The following SLC1A3 variants were observed in gnomAD, a reference collection of about 807,000 sequenced individuals.
SLC1A3 encodes solute carrier family 1 member 3.
Under a neutral mutation model 48.1 loss-of-function variants are expected in SLC1A3, and 21 were observed. The ratio of observed to expected loss-of-function variants is 0.44; its 90% CI spans 0.31 to 0.63. The LOEUF (loss-of-function observed/expected upper bound fraction) is 0.63. SLC1A3 is among the 20% of genes least tolerant of loss of function. The pLI is 0.08. For missense variants in SLC1A3, 546 were observed against 689.0 expected, an observed-to-expected ratio of 0.79 and a Z score of 2.32; for synonymous variants, 239 against 251.4, an observed-to-expected ratio of 0.95 and a Z score of 0.47.
intron 3 of SLC1A3, among the ~76,000 whole-genome samples, chr5:36,665,987 G>C (rs1207665678): frequency 6.6e-6 from 1 of 152,100 alleles, no homozygotes; most frequent in Non-Finnish European, 1.5e-5. Context: ...TCTATAAAGG[G>C]GCCAGAAGAA....
intron 3 of SLC1A3, among the ~76,000 whole-genome samples, chr5:36,643,075 T>C (rs1458424097): frequency 6.6e-6 from 1 of 152,112 alleles, no homozygotes; most frequent in Non-Finnish European, 1.5e-5. Flanking sequence ...GATATTTGGG[T>C]TTTTCCTATT....
At chr5:36,676,757 G>T in intron 5 of SLC1A3, 135 bp from the exon 6 acceptor site, 1 of 685,206 alleles carries the variant, frequency 1.5e-6, no homozygotes, top group Non-Finnish European at 2.4e-6. Flanking sequence ...GAGAGAGAGA[G>T]ACTTTCTATA....
At chr5:36,629,415 A>ATTTTTC in intron 2 of SLC1A3, 35 bp from the exon 3 acceptor site, 2 of 1,587,312 alleles carry the variant, frequency 1.3e-6, no homozygotes, top group Non-Finnish European at 1.7e-6. Context: ...AAAAGACTCA[A>ATTTTTC]TTTTTCTTTT....
intron 3 of SLC1A3, among the ~76,000 whole-genome samples, chr5:36,640,647 G>C (rs1740578751): frequency 6.6e-6 from 1 of 152,094 alleles, no homozygotes; most frequent in Non-Finnish European, 1.5e-5. Context: ...AAGAGCTGTT[G>C]GCTAATCCTT....
intron 3 of SLC1A3, among the ~76,000 whole-genome samples, chr5:36,651,159 A>G (rs1434553471): frequency 6.6e-6 from 1 of 150,752 alleles, no homozygotes; most frequent in Non-Finnish European, 1.5e-5. Flanking sequence ...AAAAAAAAAA[A>G]AAAAAAAGGA....
chr5:36,629,074 T>G (rs1172553012), intron 2 of SLC1A3, among the ~76,000 whole-genome samples: 1 of 152,212 alleles, frequency 6.6e-6, no homozygotes, highest in Non-Finnish European at 1.5e-5. Context: ...TTAATTAAAA[T>G]AAAGCCTTTT....
intron 3 of SLC1A3, among the ~76,000 whole-genome samples, chr5:36,637,242 G>C (rs1469467217): frequency 6.6e-6 from 1 of 152,210 alleles, no homozygotes; most frequent in East Asian, 1.9e-4. Context: ...TGGGTCCGCT[G>C]CTTTACCAGC....
At chr5:36,618,891 G>T (rs961282984) in intron 2 of SLC1A3, among the ~76,000 whole-genome samples, 2 of 152,186 alleles carry the variant, frequency 1.3e-5, no homozygotes, top group Non-Finnish European at 2.9e-5. Flanking sequence ...ATACCTGTAG[G>T]ATTATTTGTA....
intron 3 of SLC1A3, chr5:36,649,445 T>A (rs886725717): frequency 4.6e-5 from 7 of 152,166 alleles, no homozygotes; most frequent in African/African-American, 1.2e-4. Flanking sequence ...TTTTTAGGCT[T>A]CCCAAAGAAA....
intron 3 of SLC1A3, among the ~76,000 whole-genome samples, chr5:36,650,737 C>T (rs777664866): frequency 6.6e-6 from 1 of 152,304 alleles, no homozygotes; most frequent in South Asian, 2.1e-4. Context: ...CCTTGAAGAT[C>T]CTTTGTAACC....
At chr5:36,662,046 AG>A (rs1741534339) in intron 3 of SLC1A3, among the ~76,000 whole-genome samples, 1 of 152,248 alleles carries the variant, frequency 6.6e-6, no homozygotes, top group South Asian at 2.1e-4. Context: ...TCCAGTGGTC[AG>A]TTGTAAATCA....
At chr5:36,606,419 G>C (rs1738941586), upstream of SLC1A3, 1 of 152,216 alleles carries the variant, frequency 6.6e-6, no homozygotes, top group South Asian at 2.1e-4. Flanking sequence ...CTGACAAAGC[G>C]TGAAAGTGGT....
chr5:36,666,763 TAA>T (rs1741765919), intron 3 of SLC1A3, among the ~76,000 whole-genome samples: 1 of 152,208 alleles, frequency 6.6e-6, no homozygotes, highest in Non-Finnish European at 1.5e-5. Context: ...TATTATACCA[TAA>T]GAGATCTAAT....
intron 3 of SLC1A3, among the ~76,000 whole-genome samples, chr5:36,632,547 T>A (rs1740176401): frequency 6.6e-6 from 1 of 152,222 alleles, no homozygotes; most frequent in Non-Finnish European, 1.5e-5. Flanking sequence ...TCTGGTCTTT[T>A]CTGCACCAGA....
chr5:36,632,469 A>G (rs1222836831), intron 3 of SLC1A3, among the ~76,000 whole-genome samples: 2 of 152,188 alleles, frequency 1.3e-5, no homozygotes, highest in African/African-American at 4.8e-5. Context: ...ACTGCTGACT[A>G]AACAAATTGC....
intron 3 of SLC1A3, among the ~76,000 whole-genome samples, chr5:36,655,473 A>T (rs1204766523): frequency 6.6e-6 from 1 of 152,162 alleles, no homozygotes; most frequent in Non-Finnish European, 1.5e-5. Context: ...CAGTTCATAG[A>T]TGTTTCTGAA....
intron 3 of SLC1A3, among the ~76,000 whole-genome samples, chr5:36,645,327 T>A (rs1178843040): frequency 7.7e-6 from 1 of 129,182 alleles, no homozygotes; most frequent in African/African-American, 2.9e-5. Context: ...GCCTTTTTTT[T>A]TTTTTTTTTT....
chr5:36,605,051 T>C (rs1349020594), upstream of SLC1A3, among the ~76,000 whole-genome samples: 1 of 152,130 alleles, frequency 6.6e-6, no homozygotes, highest in Non-Finnish European at 1.5e-5. Flanking sequence ...AAACTAGTAA[T>C]TGTGTTTTAA....
chr5:36,684,957 C>T (rs1472673293), intron 9 of SLC1A3, among the ~76,000 whole-genome samples: 1 of 152,196 alleles, frequency 6.6e-6, no homozygotes, highest in East Asian at 1.9e-4. Context: ...GTCTGGCCCA[C>T]AGTCAGCATC....
Sources: allele counts gnomAD v4.1 joint callset (sites outside exome capture counted in the v4.1 genomes callset), GRCh38; gene constraint gnomAD v4.1.1; transcripts MANE v1.5; gene names NCBI Gene and HGNC (gene_info 2026-07-23, HGNC 2026-07-21).